Variants in TTC28 observed in about 807,000 individuals in gnomAD.
The protein encoded by TTC28 is tetratricopeptide repeat protein 28.
A neutral mutation model predicts 198.0 loss-of-function variants in TTC28; 61 were observed. That is an observed-to-expected ratio of 0.31 (90% CI 0.25 to 0.38). TTC28 has a LOEUF of 0.38. Ranked by LOEUF, TTC28 falls within the 10% of genes least tolerant of loss-of-function variation. The pLI is 1.00. For synonymous variants in TTC28, 1,171 were observed against 1,297.8 expected, an observed-to-expected ratio of 0.90 and a Z score of 2.10; for missense variants, 2,678 against 3,164.0, an observed-to-expected ratio of 0.85 and a Z score of 3.69.
At chr22:28,073,756 G>A (rs973044213) in intron 12 of TTC28, among the ~76,000 whole-genome samples, 1 of 152,196 alleles carries the variant, frequency 6.6e-6, no homozygotes, top group African/African-American at 2.4e-5. Context: ...GCAGAGGCTT[G>A]AAATGTGTCT....
intron 2 of TTC28, among the ~76,000 whole-genome samples, chr22:28,447,926 C>T (rs1396016980): frequency 6.6e-6 from 1 of 152,100 alleles, no homozygotes. Flanking sequence ...TTACCTAAAG[C>T]CTTTAAATAC....
At chr22:28,393,260 A>G (rs1358251298) in intron 2 of TTC28, among the ~76,000 whole-genome samples, 1 of 152,152 alleles carries the variant, frequency 6.6e-6, no homozygotes, top group African/African-American at 2.4e-5. Context: ...GCACTTTTAC[A>G]GTCGATTCTT....
intron 2 of TTC28, among the ~76,000 whole-genome samples, chr22:28,558,789 G>A (rs2049824949): frequency 6.6e-6 from 1 of 152,148 alleles, no homozygotes. Flanking sequence ...CCAGCACTTT[G>A]GGAGGCCAAG....
intron 12 of TTC28, among the ~76,000 whole-genome samples, chr22:28,063,031 T>A (rs1258594088): frequency 6.6e-6 from 1 of 152,204 alleles, no homozygotes; most frequent in East Asian, 1.9e-4. Context: ...GAAGAGTATT[T>A]TTTTTCAAAA....
At chr22:28,130,618 G>A (rs560093240) in intron 6 of TTC28, among the ~76,000 whole-genome samples, 1 of 152,184 alleles carries the variant, frequency 6.6e-6, no homozygotes, top group Non-Finnish European at 1.5e-5. Flanking sequence ...AAAGAATGCA[G>A]ATGCAGAAAG....
chr22:28,141,507 C>T lies in TTC28; in HGVS notation c.1441+21585G>A, dbSNP rs78939611. ...AAAGGGAACAGTAAGAAAGCGGATA[C>T]ATATATACACTGCATTATGTCATAA... is the stretch of plus-strand genomic sequence containing the variant. On this transcript the variant is annotated intron_variant, in intron 6 of 22. Transcript: ENST00000397906. Among the ~76,000 whole-genome samples, 459 of 152,138 alleles carry T rather than the reference C, an allele frequency of 3.0e-3. 6 individuals are homozygous for T. The highest frequency in any genetic ancestry group is 0.011 in the African/African-American group (439 of 41,508).
chr22:28,505,554 A>C (rs1245082991), intron 2 of TTC28, among the ~76,000 whole-genome samples: 1 of 152,180 alleles, frequency 6.6e-6, no homozygotes, highest in Admixed American at 6.5e-5. Context: ...TTCTCCCATG[A>C]ATCTTTGCAA....
chr22:28,215,383 T>A (rs1927307747), intron 5 of TTC28, among the ~76,000 whole-genome samples: 1 of 152,214 alleles, frequency 6.6e-6, no homozygotes, highest in Non-Finnish European at 1.5e-5. Flanking sequence ...TGTGCTACTA[T>A]CTCACACACT....
chr22:28,410,996 T>C (rs1214005065), intron 2 of TTC28, among the ~76,000 whole-genome samples: 1 of 108,050 alleles, frequency 9.3e-6, no homozygotes, highest in Non-Finnish European at 1.9e-5. Context: ...CAACTATTTC[T>C]AAAATGGTAA....
chr22:28,562,738 A>G (rs1173980571), intron 2 of TTC28, among the ~76,000 whole-genome samples: 1 of 152,228 alleles, frequency 6.6e-6, no homozygotes, highest in Admixed American at 6.5e-5. Flanking sequence ...AAATCTTACC[A>G]TCAAAAATTG....
chr22:28,534,182 A>C (rs2049210713), intron 2 of TTC28, among the ~76,000 whole-genome samples: 1 of 152,242 alleles, frequency 6.6e-6, no homozygotes, highest in Non-Finnish European at 1.5e-5. Flanking sequence ...GCTAATATCC[A>C]GAATCTACAA....
intron 2 of TTC28, among the ~76,000 whole-genome samples, chr22:28,609,615 G>C (rs2050786491): frequency 6.6e-6 from 1 of 152,184 alleles, no homozygotes; most frequent in Non-Finnish European, 1.5e-5. Flanking sequence ...TATGCCACCA[G>C]GGCCCTGGGT....
At chr22:28,280,848 A>T (rs2044570290) in intron 5 of TTC28, among the ~76,000 whole-genome samples, 1 of 151,796 alleles carries the variant, frequency 6.6e-6, no homozygotes, top group African/African-American at 2.4e-5. Context: ...CTTGAAAATT[A>T]TTTCTGCTGA....
chr22:28,066,731 A>G (rs890906586), intron 12 of TTC28, among the ~76,000 whole-genome samples: 2 of 152,152 alleles, frequency 1.3e-5, no homozygotes, highest in Non-Finnish European at 2.9e-5. Context: ...TCTTTCTCAA[A>G]TGCAAACCTG....
In TTC28 at chr22:28,644,784, C is replaced by A. The variant is rs2051429237; in HGVS notation, c.103-14954G>T. Among the ~76,000 whole-genome samples the A allele has an allele frequency of 1.3e-5, 2 of 152,054 alleles. 1 individual carries two copies. Among genetic ancestry groups the A allele is most frequent in the South Asian group, 4.2e-4 (2 of 4,810 alleles). The stretch of plus-strand genomic sequence containing the variant: ...GATGCAGTAAGCCGAGATCGCACCA[C>A]TGCACTCCAGCCTGGGCAACAAAGT... On this transcript the variant is annotated intron_variant, in intron 1 of 22. Coordinates refer to ENST00000397906, the MANE Select transcript of TTC28 (RefSeq NM_001145418.2).
At chr22:28,274,633 T>C (rs1932293224) in intron 5 of TTC28, among the ~76,000 whole-genome samples, 1 of 152,116 alleles carries the variant, frequency 6.6e-6, no homozygotes, top group Admixed American at 6.5e-5. Flanking sequence ...GATTGTTTCT[T>C]AAGAGTGACC....
At chr22:28,148,521 G>A (rs561820129) in intron 6 of TTC28, among the ~76,000 whole-genome samples, 93 of 151,826 alleles carry the variant, frequency 6.1e-4, no homozygotes, top group African/African-American at 2.2e-3. Flanking sequence ...GCTGAGGCAG[G>A]AGAATGGCAT....
intron 15 of TTC28, 157 bp from the exon 16 acceptor site, chr22:27,999,417 C>G: frequency 8.8e-7 from 1 of 1,133,352 alleles, no homozygotes; most frequent in Non-Finnish European, 1.2e-6. Context: ...TTTTCAACAT[C>G]TTTTTGACAC....
At chr22:28,608,724 G>A (rs1461652814) in intron 2 of TTC28, among the ~76,000 whole-genome samples, 1 of 152,122 alleles carries the variant, frequency 6.6e-6, no homozygotes, top group East Asian at 1.9e-4. Context: ...CTGAAGGTGT[G>A]CCCAAACACA....
Sources: gnomAD v4.1 joint callset for allele counts (sites outside exome capture counted in the v4.1 genomes callset) on GRCh38, gnomAD v4.1.1 for gene constraint, MANE v1.5 for transcripts, NCBI Gene and HGNC (gene_info 2026-07-23, HGNC 2026-07-21) for gene names.